RNF213: variants seen among roughly 807,000 people sequenced by gnomAD.
RNF213 encodes the protein ring finger protein 213.
Under a neutral mutation model 514.4 loss-of-function variants are expected in RNF213, and 341 were observed. That is an observed-to-expected ratio of 0.66 (90% confidence interval 0.61 to 0.73). The LOEUF is 0.73. RNF213 is among the 30% of genes least tolerant of loss of function. RNF213 has a pLI of 0.00. For missense variants in RNF213, 5,767 were observed against 6,615.6 expected (o/e 0.87, Z 4.45); for synonymous variants, 2,655 against 2,658.2 (o/e 1.00, Z 0.04).
rs983011027 is a variant in RNF213, at chr17:80,345,761, G to A, written c.7426G>A (p.Asp2476Asn). 6 of 1,614,180 alleles carry A rather than the reference G, an allele frequency of 3.7e-6. No individual in the cohort carries two copies. In the East Asian group the frequency reaches 1.1e-4, roughly 30 times the overall value. The change falls in exon 29 of 68, where the codon GAC becomes AAC. Residue 2476 changes from aspartate to asparagine, a missense_variant. Coordinates refer to ENST00000582970, the MANE Select transcript of RNF213 (RefSeq NM_001256071.3). This position sits in a 1 kb window ranked among gnomAD's most constrained non-coding sequence, Gnocchi z 6.0. ...EAENVAFANK[D>N]QHQLDTILFF... ...TGAAAATGTGGCCTTCGCCAATAAG[G>A]ACCAACATCAGTTGGACACCATCTT...
chr17:80,278,971 T>C (rs7219131), intron 3 of RNF213: 746,460 of 1,527,934 alleles, frequency 0.49, 184,376 homozygotes, highest in East Asian at 0.62. Flanking sequence ...TGGCACAGCC[T>C]GGCACGGCCA....
intron 44 of RNF213, among the ~76,000 whole-genome samples, chr17:80,368,394 A>G (rs1471750409): frequency 6.6e-6 from 1 of 151,996 alleles, no homozygotes; most frequent in African/African-American, 2.4e-5. Flanking sequence ...AGTCTTAACA[A>G]AGGTCCTCAC....
chr17:80,364,679 A>G (rs2079190324), intron 42 of RNF213, 126 bp downstream of exon 42: 1 of 1,158,564 alleles, frequency 8.6e-7, no homozygotes, highest in Admixed American at 1.9e-5. Context: ...CTAGACATGC[A>G]AAGGAAGGTG....
rs2044877920 is a variant in RNF213, at chr17:80,294,910, C to T, written c.1662C>T (p.Thr554=). The change falls in exon 9 of 68, where the codon ACC becomes ACT. Residue 554 remains threonine (T), a synonymous_variant. Transcript: ENST00000582970. ...CCATCAACCTGAACAGCTTCTTCACCCAGTTCGAGCAGTTTTGCTTTGTCC... is the reference window on the plus strand; with the variant it reads ...CCATCAACCTGAACAGCTTCTTCACTCAGTTCGAGCAGTTTTGCTTTGTCC... ...WDTINLNSFF[T]QFEQFCFVLQ... 9 of 1,614,170 alleles carry T rather than the reference C, an allele frequency of 5.6e-6. No homozygotes were observed. Among genetic ancestry groups the T allele is most frequent in the Non-Finnish European group, 7.6e-6 (9 of 1,180,030 alleles).
chr17:80,385,761 C>T (rs879055874), intron 61 of RNF213, 140 bp downstream of exon 61: 13 of 760,736 alleles, frequency 1.7e-5, no homozygotes, highest in Admixed American at 4.1e-5. Context: ...CTTGCTCTGT[C>T]GCCAGGCTGG....
chr17:80,319,840 A>G (rs1161448164), intron 17 of RNF213: 3 of 1,198,424 alleles, frequency 2.5e-6, no homozygotes, highest in Non-Finnish European at 3.1e-6. Context: ...CCTGCTGGCC[A>G]CGGCTGCCCT....
In RNF213 at chr17:80,359,499, G is replaced by A. The variant is rs1243997060; in HGVS notation, c.11055-562G>A. Among the ~76,000 whole-genome samples the A allele has an allele frequency of 2.4e-4, 3 of 12,252 alleles. No individual in the cohort carries two copies. In the African/African-American group the frequency reaches 2.5e-3, roughly 10 times the overall value. The allele number at this position is 12,252 out of a possible 152,430, so 8.0% of individuals were successfully genotyped here. Reference sequence around the variant, plus strand: ...CACCACTCACTGCACTCTAGCCTGGGTGGTGACAGAGTGAGACTCTATCTC... The same window carrying A: ...CACCACTCACTGCACTCTAGCCTGGATGGTGACAGAGTGAGACTCTATCTC... On this transcript the variant is annotated intron_variant, in intron 37 of 67. Transcript: ENST00000582970.
rs543675004 is a variant in RNF213, at chr17:80,266,782, G to A, written c.97+3004G>A. 1.6e-3 allele frequency among the ~76,000 whole-genome samples: 242 copies of A among 152,198 alleles called. 1 individual carries two copies. Among genetic ancestry groups the A allele is most frequent in the African/African-American group, 5.6e-3 (232 of 41,542 alleles). ...CTCTCAAAGTGCTGGGATTACAGGT[G>A]TGAGCCACCCACCGCACCTGGCCTC... On this transcript the variant is annotated intron_variant, in intron 2 of 67. Coordinates refer to ENST00000582970, the MANE Select transcript of RNF213 (RefSeq NM_001256071.3).
intron 8 of RNF213, among the ~76,000 whole-genome samples, chr17:80,292,747 G>A (rs1218042490): frequency 6.6e-6 from 1 of 151,846 alleles, no homozygotes; most frequent in East Asian, 1.9e-4. Flanking sequence ...TGATCACCTG[G>A]ACTCCCAGTG....
At chr17:80,298,935 T>G (rs1003509021) in intron 11 of RNF213, among the ~76,000 whole-genome samples, 1 of 152,116 alleles carries the variant, frequency 6.6e-6, no homozygotes, top group Non-Finnish European at 1.5e-5. Context: ...GCTGGGATCA[T>G]GCTACTGCAC....
At chr17:80,355,293 A>G (rs1309379189) in intron 36 of RNF213, 2 of 434,256 alleles carry the variant, frequency 4.6e-6, no homozygotes, top group South Asian at 3.2e-5. Context: ...TGTGATCTGC[A>G]GGAGGGAACG....
intron 11 of RNF213, among the ~76,000 whole-genome samples, chr17:80,304,496 C>T (rs557187919): frequency 9.5e-4 from 145 of 151,924 alleles, no homozygotes; most frequent in Admixed American, 2.1e-3. Flanking sequence ...AAAAATGAGC[C>T]GGGCGTGGTG....
At chr17:80,351,591 T>C (rs2078517576) in intron 31 of RNF213, 94 bp from the exon 32 acceptor site, 1 of 739,770 alleles carries the variant, frequency 1.4e-6, no homozygotes, top group Non-Finnish European at 2.4e-6. Context: ...GAGAACACCC[T>C]TCTGCAGCTG....
Position 80,364,710 on chromosome 17 carries a change from C to T in RNF213, c.11871+157C>T, listed in dbSNP as rs202006755. 12 of 806,300 alleles carry T rather than the reference C, an allele frequency of 1.5e-5. No homozygotes were observed. The East Asian group carries it at 1.6e-4, about 11-fold the overall frequency. 49.9% of individuals were successfully genotyped at this position (806,300 alleles called of 1,614,324 possible). On this transcript the variant is annotated intron_variant, in intron 42 of 67. Coordinates refer to ENST00000582970, the MANE Select transcript of RNF213 (RefSeq NM_001256071.3). ...AGGTGATTTCATCACTAGGCCATTA[C>T]ATTTTCCATGTTTAATTGTTTAATT...
chr17:80,339,198 C>T lies in RNF213; in HGVS notation c.4834-3C>T, dbSNP rs760447645. 10 of 1,466,930 alleles carry T rather than the reference C, an allele frequency of 6.8e-6. No individual in the cohort carries two copies. The African/African-American group carries it at 1.4e-4, about 21-fold the overall frequency. The allele number at this position is 1,466,930 out of a possible 1,614,324, so 90.9% of individuals were successfully genotyped here. A position where few individuals can be genotyped will look rare whatever the true frequency, so the allele number is the denominator to read the frequency against. On this transcript the variant is annotated splice_polypyrimidine_tract_variant and splice_region_variant and intron_variant, in intron 25 of 67. Coordinates refer to ENST00000582970, the MANE Select transcript of RNF213 (RefSeq NM_001256071.3). The stretch of plus-strand genomic sequence containing the variant: ...AGCCAACCTCATGGTTCTGCCTCTC[C>T]AGGTCTTCTGCAGTGTGCAGAGGCT...
Position 80,395,881 on chromosome 17 carries a change from C to T in RNF213, c.*2383C>T. 1 of 152,386 alleles carries T rather than the reference C, an allele frequency of 6.6e-6. No individual in the cohort carries two copies. The allele number at this position is 152,386 out of a possible 1,614,324, so 9.4% of individuals were successfully genotyped here. A position where few individuals can be genotyped will look rare whatever the true frequency, so the allele number is the denominator to read the frequency against. On this transcript the variant is annotated 3_prime_UTR_variant, in exon 68 of 68. Coordinates refer to ENST00000582970, the MANE Select transcript of RNF213 (RefSeq NM_001256071.3). ...GCCTGCACCGGAAGACTCACTTTGT[C>T]TGCCCTGCGCCAGCCTCACCTCACC...
At chr17:80,308,971 T>G (rs373432516) in intron 13 of RNF213, 47 bp from the exon 14 acceptor site, 1 of 1,612,004 alleles carries the variant, frequency 6.2e-7, no homozygotes, top group Non-Finnish European at 8.5e-7. Context: ...ATTTTCTGGC[T>G]TCTCCTAAAT....
intron 38 of RNF213, 87 bp from the exon 39 acceptor site, chr17:80,361,647 T>C (rs1004110578): frequency 1.3e-6 from 2 of 1,482,254 alleles, no homozygotes; most frequent in African/African-American, 2.8e-5. Context: ...GGCGTCCCCA[T>C]TCCCCTTCAC....
At chr17:80,283,282 G>A (rs2044360757) in intron 3 of RNF213, among the ~76,000 whole-genome samples, 1 of 152,214 alleles carries the variant, frequency 6.6e-6, no homozygotes, top group Non-Finnish European at 1.5e-5. Flanking sequence ...CAGTTCACAC[G>A]GGAAGAGCTG....
Sources: gnomAD v4.1 joint callset for allele counts (sites outside exome capture counted in the v4.1 genomes callset) on GRCh38, gnomAD v4.1.1 for gene constraint, Gnocchi (gnomAD v3.1) non-coding constraint, MANE v1.5 for transcripts, NCBI Gene and HGNC (gene_info 2026-07-23, HGNC 2026-07-21) for gene names.